The following SYT9 variants were observed in gnomAD, a reference collection of about 807,000 sequenced individuals.
SYT9 encodes the protein synaptotagmin 9.
Under a neutral mutation model 48.4 loss-of-function variants are expected in SYT9, and 22 were observed. That is an observed-to-expected ratio of 0.45 (90% CI 0.32 to 0.65). The LOEUF (loss-of-function observed/expected upper bound fraction) is 0.65, where lower values mean the gene tolerates loss of function less well. Ranked by LOEUF, SYT9 falls within the 30% of genes least tolerant of loss-of-function variation. The pLI, the probability that SYT9 is intolerant of heterozygous loss-of-function variation, is 0.03. For synonymous variants in SYT9, 265 were observed against 245.0 expected, an observed-to-expected ratio of 1.08 and a Z score of -0.76; for missense variants, 577 against 622.0, an observed-to-expected ratio of 0.93 and a Z score of 0.77.
chr11:7,328,068 A>T (rs1213696675), intron 3 of SYT9, among the ~76,000 whole-genome samples: 1 of 10,508 alleles, frequency 9.5e-5, no homozygotes, highest in Non-Finnish European at 9.0e-4. Context: ...AACTTAAAGT[A>T]TAATTAAAAA....
chr11:7,308,031 A>C (rs990122473), intron 2 of SYT9, among the ~76,000 whole-genome samples: 3 of 152,136 alleles, frequency 2.0e-5, no homozygotes, highest in African/African-American at 7.2e-5. Flanking sequence ...TCAGATTTTC[A>C]CTTCCTCCTG....
At chr11:7,414,796 A>G (rs1847206930) in intron 3 of SYT9, among the ~76,000 whole-genome samples, 1 of 152,228 alleles carries the variant, frequency 6.6e-6, no homozygotes, top group Non-Finnish European at 1.5e-5. Flanking sequence ...GTGACCTTCC[A>G]GAGCCGAATC....
At chr11:7,276,186 C>G (rs1174346975) in intron 1 of SYT9, among the ~76,000 whole-genome samples, 2 of 152,130 alleles carry the variant, frequency 1.3e-5, no homozygotes, top group Non-Finnish European at 2.9e-5. Flanking sequence ...TTACCATCAC[C>G]ACATCCTCAC....
chr11:7,388,710 C>T (rs1203937104), intron 3 of SYT9, among the ~76,000 whole-genome samples: 1 of 151,748 alleles, frequency 6.6e-6, no homozygotes, highest in Non-Finnish European at 1.5e-5. Context: ...TGTTTTTCAT[C>T]CTGTTATTTA....
At chr11:7,300,357 G>A (rs1848895838) in intron 1 of SYT9, among the ~76,000 whole-genome samples, 1 of 152,210 alleles carries the variant, frequency 6.6e-6, no homozygotes, top group Non-Finnish European at 1.5e-5. Context: ...GAATGTGGGA[G>A]CACAAGGGAC....
intron 3 of SYT9, among the ~76,000 whole-genome samples, chr11:7,351,732 G>A (rs1252262360): frequency 1.3e-5 from 2 of 152,150 alleles, no homozygotes; most frequent in Non-Finnish European, 2.9e-5. Context: ...TCCTCAAATT[G>A]TGAGTTTACT....
In SYT9 at chr11:7,468,356, T is replaced by C. The variant is rs1048469155; in HGVS notation, c.*1556T>C. ...GATCTAAGAAGGCTATAGGCCTTTG[T>C]TTGTAGGAAGCAGTGTCATTACATT... On this transcript the variant is annotated 3_prime_UTR_variant, in exon 7 of 7. Transcript: ENST00000318881. The C allele has an allele frequency of 1.3e-5, 5 of 398,486 alleles. No individual in the cohort carries two copies. The highest frequency in any genetic ancestry group is 1.0e-4 in the African/African-American group (5 of 48,634). 24.7% of individuals were successfully genotyped at this position (398,486 alleles called of 1,614,324 possible).
chr11:7,340,170 T>C (rs1047085381), intron 3 of SYT9, among the ~76,000 whole-genome samples: 5 of 152,216 alleles, frequency 3.3e-5, no homozygotes, highest in African/African-American at 1.2e-4. Context: ...CTTGCAATTG[T>C]ATTGTGAAAT....
chr11:7,252,260 T>G lies in SYT9; in HGVS notation c.74T>G (p.Leu25Arg), dbSNP rs963546722. ...LLAELCARGA[L>R]EHDSCQDFIY... ...GCCGAGCTCTGTGCCCGTGGGGCCC[T>G]GGAGCACGACAGCTGCCAGGATTTC... is the stretch of plus-strand genomic sequence containing the variant. Residue 25 changes from leucine (L) to arginine (R), a missense_variant, in exon 1 of 7, where the codon CTG becomes CGG. Leu to Arg is a moderately radical substitution (Grantham distance 102, BLOSUM62 -2). Coordinates refer to ENST00000318881, the MANE Select transcript of SYT9 (RefSeq NM_175733.4). This position sits in a 1 kb window ranked among gnomAD's most constrained non-coding sequence, Gnocchi z 6.3. The G allele has an allele frequency of 4.6e-6, 7 of 1,508,310 alleles. No homozygotes were observed. Among genetic ancestry groups the G allele is most frequent in the Non-Finnish European group, 4.4e-6 (5 of 1,128,490 alleles). The allele number at this position is 1,508,310 out of a possible 1,614,324, so 93.4% of individuals were successfully genotyped here.
chr11:7,379,130 A>G (rs1260987412), intron 3 of SYT9, among the ~76,000 whole-genome samples: 2 of 152,180 alleles, frequency 1.3e-5, no homozygotes, highest in African/African-American at 4.8e-5. Context: ...ATCAAATTAA[A>G]TGCTAAAGCC....
At chr11:7,419,291 G>A (rs756737974) in intron 5 of SYT9, among the ~76,000 whole-genome samples, 2 of 152,188 alleles carry the variant, frequency 1.3e-5, no homozygotes, top group African/African-American at 4.8e-5. Flanking sequence ...GTAAACTCAT[G>A]AATCTGGCCT....
At chr11:7,432,082 C>T (rs1407093375) in intron 6 of SYT9, among the ~76,000 whole-genome samples, 1 of 152,224 alleles carries the variant, frequency 6.6e-6, no homozygotes, top group African/African-American at 2.4e-5. Flanking sequence ...ACAGCTTGCA[C>T]CCTGTGCCTG....
chr11:7,458,849 C>T (rs1848196088), intron 6 of SYT9, among the ~76,000 whole-genome samples: 1 of 152,206 alleles, frequency 6.6e-6, no homozygotes, highest in Admixed American at 6.5e-5. Flanking sequence ...AGTACTTTGG[C>T]TCATTCGCCA....
At chr11:7,371,659 A>G (rs1041869799) in intron 3 of SYT9, among the ~76,000 whole-genome samples, 2 of 152,148 alleles carry the variant, frequency 1.3e-5, no homozygotes, top group African/African-American at 4.8e-5. Context: ...TCATCACCCT[A>G]GAAAGTTTTC....
intron 6 of SYT9, among the ~76,000 whole-genome samples, chr11:7,426,748 T>C (rs576380501): frequency 4.0e-4 from 61 of 152,160 alleles, no homozygotes; most frequent in Non-Finnish European, 8.4e-4. Flanking sequence ...CTGCTTCCTC[T>C]ACCTGTCTGG....
At chr11:7,457,613 C>T (rs574636327) in intron 6 of SYT9, 1 of 152,292 alleles carries the variant, frequency 6.6e-6, no homozygotes, top group South Asian at 2.1e-4. Flanking sequence ...TTCAAATCTA[C>T]AGGCATAGTG....
chr11:7,430,735 C>T (rs1000162638), intron 6 of SYT9, among the ~76,000 whole-genome samples: 1 of 152,118 alleles, frequency 6.6e-6, no homozygotes, highest in Non-Finnish European at 1.5e-5. Context: ...GCACCTTCCA[C>T]CCTGCCTTGC....
chr11:7,422,335 C>G (rs1478535017), intron 6 of SYT9, among the ~76,000 whole-genome samples: 1 of 152,112 alleles, frequency 6.6e-6, no homozygotes, highest in Non-Finnish European at 1.5e-5. Context: ...GCCTAGGACC[C>G]CCTAATTTGC....
intron 1 of SYT9, among the ~76,000 whole-genome samples, chr11:7,293,216 G>A (rs907597980): frequency 2.0e-5 from 3 of 152,186 alleles, no homozygotes; most frequent in African/African-American, 7.2e-5. Context: ...TTCTGAGGAA[G>A]GAATCAGAGA....
Sources: gnomAD v4.1 joint callset for allele counts (sites outside exome capture counted in the v4.1 genomes callset) on GRCh38, gnomAD v4.1.1 for gene constraint, Gnocchi (gnomAD v3.1) non-coding constraint, MANE v1.5 for transcripts, NCBI Gene and HGNC (gene_info 2026-07-23, HGNC 2026-07-21) for gene names.